The following ATM variants were observed in gnomAD, a reference collection of about 807,000 sequenced individuals.
ATM encodes ATM serine/threonine kinase.
In ATM, 308 loss-of-function variants were observed where a neutral mutation model predicts 387.0. The observed-to-expected ratio is 0.80, with a 90% CI of 0.73 to 0.87. The LOEUF is 0.87. Ranked by LOEUF, ATM falls within the 40% of genes least tolerant of loss-of-function variation. The pLI, the probability that ATM is intolerant of heterozygous loss-of-function variation, is 0.00. For synonymous variants in ATM, 1,156 were observed against 1,187.3 expected, an observed-to-expected ratio of 0.97 and a Z score of 0.54; for missense variants, 3,312 against 3,560.9, an observed-to-expected ratio of 0.93 and a Z score of 1.78.
At position 108,293,374 on chromosome 11, in the gene ATM, C is replaced by A. The variant is rs587781712; in HGVS notation, c.4673C>A (p.Thr1558Lys). ...DNKDNENLYI[T>K]IKLLDPFPDH... The stretch of plus-strand genomic sequence containing the variant: ...AAGGATAATGAAAACCTCTATATCA[C>A]GATTAAGCTTTTAGATCCTTTTCCT... Residue 1558 changes from threonine (T) to lysine (K), a missense_variant, in exon 31 of 63, where the codon ACG becomes AAG. Coordinates refer to ENST00000675843, the MANE Select transcript of ATM (RefSeq NM_000051.4). The A allele has an allele frequency of 6.2e-7, 1 of 1,600,144 alleles. No homozygotes were observed. Among genetic ancestry groups the A allele is most frequent in the Non-Finnish European group, 8.6e-7 (1 of 1,167,880 alleles).
At chr11:108,346,816 G>A (rs1186459918) in intron 58 of ATM, among the ~76,000 whole-genome samples, 1 of 152,022 alleles carries the variant, frequency 6.6e-6, no homozygotes, top group Admixed American at 6.6e-5. Context: ...TACACACCTG[G>A]TGAAATGAAT....
intron 12 of ATM, 134 bp from the exon 13 acceptor site, chr11:108,253,680 C>A (rs2080280607): frequency 1.7e-6 from 1 of 572,670 alleles, no homozygotes; most frequent in Non-Finnish European, 3.0e-6. Context: ...AAAGAATAAT[C>A]TATTAATTAT....
At chr11:108,249,245 G>A in intron 9 of ATM, 143 bp downstream of exon 9, 2 of 965,338 alleles carry the variant, frequency 2.1e-6, no homozygotes, top group Non-Finnish European at 3.2e-6. Flanking sequence ...AAAGGGATAT[G>A]TGATTGCCAT....
chr11:108,237,361 T>A (rs1565359629), intron 5 of ATM, among the ~76,000 whole-genome samples: 1 of 152,196 alleles, frequency 6.6e-6, no homozygotes, highest in Non-Finnish European at 1.5e-5. Flanking sequence ...CAACCATGGC[T>A]GTCACTGAAA....
chr11:108,263,773 A>T (rs1452472015), intron 16 of ATM, among the ~76,000 whole-genome samples: 5 of 147,888 alleles, frequency 3.4e-5, no homozygotes, highest in African/African-American at 1.3e-4. Flanking sequence ...AATCAAATAG[A>T]CGCAATAAAA....
intron 29 of ATM, among the ~76,000 whole-genome samples, chr11:108,290,938 A>G (rs978125863): frequency 4.6e-5 from 7 of 152,086 alleles, no homozygotes; most frequent in African/African-American, 1.4e-4. Context: ...ATGTTACTAT[A>G]GAATTGGGGT....
At chr11:108,225,828 A>G (rs1340183754) in intron 1 of ATM, 1 of 152,144 alleles carries the variant, frequency 6.6e-6, no homozygotes, top group East Asian at 1.9e-4. Flanking sequence ...TCATTTTGTA[A>G]GAGACATTCC....
chr11:108,249,988 C>G (rs1270159279), intron 9 of ATM, among the ~76,000 whole-genome samples: 1 of 152,014 alleles, frequency 6.6e-6, no homozygotes, highest in African/African-American at 2.4e-5. Flanking sequence ...ATCACACATT[C>G]TAGAGAATAC....
chr11:108,274,541 T>G (rs2081821178), intron 22 of ATM, among the ~76,000 whole-genome samples: 1 of 152,242 alleles, frequency 6.6e-6, no homozygotes, highest in African/African-American at 2.4e-5. Context: ...CTGCTTTAGC[T>G]GTGTCCCAGA....
At chr11:108,254,096 T>C (rs2080323359) in intron 13 of ATM, 57 bp downstream of exon 13, 3 of 1,541,932 alleles carry the variant, frequency 1.9e-6, no homozygotes, top group Non-Finnish European at 2.7e-6. Flanking sequence ...TGGTAAACTG[T>C]TAGGAAGGAG....
rs1555073069 is a variant in ATM at position 108,253,816 on chromosome 11, A to C, written c.1901A>C (p.Glu634Ala). Reference sequence around the variant, plus strand: ...TTAAAGATCTTACTTTCTTGAAGTGAACACCACCAAAAAGATAAAGAAGAA... The same window carrying C: ...TTAAAGATCTTACTTTCTTGAAGTGCACACCACCAAAAAGATAAAGAAGAA... ...MNFFQSVPEC[E>A]HHQKDKEELS... Residue 634 changes from glutamate to alanine, a missense_variant and splice_region_variant, in exon 13 of 63, where the codon GAA (glutamate) becomes GCA (alanine). Glu to Ala is a moderately radical substitution (Grantham distance 107, BLOSUM62 -1). Coordinates refer to ENST00000675843, the MANE Select transcript of ATM (RefSeq NM_000051.4). 1 of 1,612,626 alleles carries C rather than the reference A, an allele frequency of 6.2e-7. No homozygotes were observed. The highest frequency in any genetic ancestry group is 1.3e-5 in the African/African-American group (1 of 75,026).
rs982996106 is a variant in ATM, at chr11:108,343,104, G to C, written c.8269-118G>C. 47 of 1,297,416 alleles carry C rather than the reference G, an allele frequency of 3.6e-5. No individual in the cohort carries two copies. In the Admixed American group the frequency reaches 4.5e-4, roughly 12 times the overall value. 80.4% of individuals were successfully genotyped at this position (1,297,416 alleles called of 1,614,324 possible). ...CAAGGAGCTTTGTCTTCTATGGACA[G>C]AGAAATATTAATACAACTTGAAAAA... On this transcript the variant is annotated intron_variant, in intron 56 of 62. Transcript: ENST00000675843.
rs558137745 is a variant in ATM at position 108,277,695 on chromosome 11, C to G, written c.3285-1796C>G. On this transcript the variant is annotated intron_variant, in intron 22 of 62. Coordinates refer to ENST00000675843, the MANE Select transcript of ATM (RefSeq NM_000051.4). The stretch of plus-strand genomic sequence containing the variant: ...TACACCCCACCCTGCTTTGACTCTC[C>G]CTCCGTGGGCTGCACCCACTGTCTA... 8.5e-5 allele frequency among the ~76,000 whole-genome samples: 13 copies of G among 152,244 alleles called. No individual in the cohort carries two copies. In the South Asian group the frequency reaches 2.7e-3, roughly 32 times the overall value.
chr11:108,239,708 A>C (rs1484585428), intron 5 of ATM, among the ~76,000 whole-genome samples: 1 of 152,148 alleles, frequency 6.6e-6, no homozygotes, highest in African/African-American at 2.4e-5. Context: ...TTTTTAAGGA[A>C]CCAACATCCT....
rs1307155974 is a variant in ATM, at chr11:108,281,173, A to G, written c.3576+5A>G. The G allele has an allele frequency of 1.2e-6, 2 of 1,613,172 alleles. No individual in the cohort carries two copies. Among genetic ancestry groups the G allele is most frequent in the East Asian group, 2.2e-5 (1 of 44,820 alleles). On this transcript the variant is annotated splice_donor_5th_base_variant and intron_variant, in intron 24 of 62. Transcript: ENST00000675843. ...GAACCTCACCTTGTGAAAAAGGTATATATGGATGAGTATTTTATTAGAAGC... is the reference window on the plus strand; with the variant it reads ...GAACCTCACCTTGTGAAAAAGGTATGTATGGATGAGTATTTTATTAGAAGC...
At position 108,365,739 on chromosome 11, in the gene ATM, C is replaced by T. The variant is rs761745363; in HGVS notation, c.*231C>T. On this transcript the variant is annotated 3_prime_UTR_variant, in exon 63 of 63. Transcript: ENST00000675843. ...AGAAATAATGGTCATTCGGGCTGGG[C>T]GCAGCGGCTCACGCCTGTAATCCCA... The T allele has an allele frequency of 3.1e-5, 18 of 585,276 alleles. No homozygotes were observed. Among genetic ancestry groups the T allele is most frequent in the South Asian group, 1.2e-4 (6 of 48,958 alleles). The allele number at this position is 585,276 out of a possible 1,614,324, so 36.3% of individuals were successfully genotyped here. A position where few individuals can be genotyped will look rare whatever the true frequency, so the allele number is the denominator to read the frequency against.
intron 56 of ATM, 162 bp downstream of exon 56, chr11:108,336,123 C>T (rs1420277406): frequency 3.4e-5 from 20 of 589,232 alleles, no homozygotes; most frequent in Non-Finnish European, 5.1e-5. Context: ...ATAGTGAGAC[C>T]CCATCTTGAC....
At chr11:108,252,632 C>T (rs556930235) in intron 11 of ATM, among the ~76,000 whole-genome samples, 185 bp from the exon 12 acceptor site, 20 of 152,232 alleles carry the variant, frequency 1.3e-4, no homozygotes, top group Middle Eastern at 3.4e-3. Flanking sequence ...ATGATAATAA[C>T]AATGGTTGTC....
chr11:108,361,361 G>A (rs933947599), intron 61 of ATM, among the ~76,000 whole-genome samples: 1 of 150,696 alleles, frequency 6.6e-6, no homozygotes, highest in African/African-American at 2.4e-5. Flanking sequence ...TTGTGAAAAT[G>A]GCCATACTGC....
Sources: gnomAD v4.1 joint callset for allele counts (sites outside exome capture counted in the v4.1 genomes callset) on GRCh38, gnomAD v4.1.1 for gene constraint, MANE v1.5 for transcripts, NCBI Gene and HGNC (gene_info 2026-07-23, HGNC 2026-07-21) for gene names.